LRP1B: variants seen among roughly 807,000 people sequenced by gnomAD.
The protein encoded by LRP1B is low-density lipoprotein receptor-related protein 1B.
LRP1B carries 217 observed loss-of-function variants against 556.6 expected under a neutral mutation model. That is an observed-to-expected ratio of 0.39 (90% CI 0.35 to 0.44). LRP1B has a LOEUF of 0.44. Among genes scored for constraint, LRP1B ranks in the 20% least tolerant of loss-of-function variants. The pLI, the probability that LRP1B is intolerant of heterozygous loss-of-function variation, is 1.00. For synonymous variants in LRP1B, 2,047 were observed against 1,865.8 expected (o/e 1.10, Z -2.50); for missense variants, 5,053 against 5,620.8 (o/e 0.90, Z 3.23).
chr2:140,920,633 T>C (rs538497305), intron 21 of LRP1B, among the ~76,000 whole-genome samples: 5 of 152,176 alleles, frequency 3.3e-5, no homozygotes, highest in South Asian at 2.1e-4. Context: ...GCAATGTTCA[T>C]TGAAGTCTGT....
At chr2:140,750,616 G>T (rs949743621) in intron 35 of LRP1B, among the ~76,000 whole-genome samples, 1 of 152,058 alleles carries the variant, frequency 6.6e-6, no homozygotes, top group Non-Finnish European at 1.5e-5. Context: ...AGAGTTATTT[G>T]CATTTTACCA....
At chr2:140,565,716 C>T (rs1681099716) in intron 43 of LRP1B, among the ~76,000 whole-genome samples, 1 of 152,058 alleles carries the variant, frequency 6.6e-6, no homozygotes, top group Non-Finnish European at 1.5e-5. Flanking sequence ...CAGAGTACAT[C>T]GAAGGAGTAA....
Position 141,005,495 on chromosome 2 carries a change from G to A in LRP1B, c.2381-38C>T, listed in dbSNP as rs772869721. The A allele has an allele frequency of 5.0e-6, 8 of 1,602,968 alleles. No homozygotes were observed. In the South Asian group the frequency reaches 8.9e-5, roughly 18 times the overall value. Reference sequence around the variant, plus strand: ...GAAAGCAAATGTGTCAGAGAACTCTGATTCACGTTCTTTCTAGGAGGTGAA... The same window carrying A: ...GAAAGCAAATGTGTCAGAGAACTCTAATTCACGTTCTTTCTAGGAGGTGAA... On this transcript the variant is annotated intron_variant, in intron 14 of 90. Coordinates refer to ENST00000389484, the MANE Select transcript of LRP1B (RefSeq NM_018557.3).
chr2:141,758,487 C>G (rs1286031149), intron 2 of LRP1B, among the ~76,000 whole-genome samples: 1 of 151,910 alleles, frequency 6.6e-6, no homozygotes, highest in Non-Finnish European at 1.5e-5. Context: ...TACTGAATAG[C>G]TAACATGCTC....
At chr2:140,898,492 C>A (rs537341978) in intron 23 of LRP1B, 35 of 236,920 alleles carry the variant, frequency 1.5e-4, no homozygotes, top group African/African-American at 7.6e-4. Flanking sequence ...GTTTAAGGAC[C>A]GTGGGCTGAC....
At chr2:140,964,117 TC>T in intron 18 of LRP1B, among the ~76,000 whole-genome samples, 1 of 152,082 alleles carries the variant, frequency 6.6e-6, no homozygotes, top group Non-Finnish European at 1.5e-5. Context: ...AGGGGGCCCT[TC>T]CCTGCCTGGC....
chr2:140,417,022 C>T lies in LRP1B; in HGVS notation c.10414+25482G>A, dbSNP rs180744419. Among the ~76,000 whole-genome samples the T allele has an allele frequency of 7.0e-4, 106 of 152,296 alleles. 1 individual carries two copies. The highest frequency in any genetic ancestry group is 2.5e-3 in the African/African-American group (102 of 41,570). ...AAAACTGCATTTAAAAGAAAATACT[C>T]GCTTTGTATAACATGTGGCAACCAG... On this transcript the variant is annotated intron_variant, in intron 66 of 90. Transcript: ENST00000389484.
intron 1 of LRP1B, among the ~76,000 whole-genome samples, chr2:141,991,199 G>A (rs148318234): frequency 2.9e-4 from 44 of 152,120 alleles, no homozygotes; most frequent in African/African-American, 1.1e-3. Flanking sequence ...TTATGTAAAT[G>A]TATTTGTAAC....
chr2:141,299,335 T>G (rs1018910179), intron 3 of LRP1B, among the ~76,000 whole-genome samples: 1 of 152,226 alleles, frequency 6.6e-6, no homozygotes, highest in Non-Finnish European at 1.5e-5. Flanking sequence ...GGACCTCATT[T>G]CTTTTGAAGA....
At chr2:141,987,549 G>GTTTTTTTTTTTTTTTTTT (rs5834887) in intron 1 of LRP1B, among the ~76,000 whole-genome samples, 7 of 139,956 alleles carry the variant, frequency 5.0e-5, no homozygotes, top group Non-Finnish European at 9.2e-5. Flanking sequence ...GATTTAAGCT[G>GTTTTTTTTTTTTTTTTTT]TTTTTTTTTT....
chr2:140,822,437 G>A (rs1383886502), intron 31 of LRP1B, among the ~76,000 whole-genome samples: 1 of 152,296 alleles, frequency 6.6e-6, no homozygotes, highest in East Asian at 1.9e-4. Context: ...TCTATTTTAA[G>A]TATGTCACAT....
intron 11 of LRP1B, among the ~76,000 whole-genome samples, chr2:141,045,532 T>C (rs2105439780): frequency 6.6e-6 from 1 of 152,254 alleles, no homozygotes; most frequent in Admixed American, 6.5e-5. Flanking sequence ...ATTTAAATTC[T>C]CTAACCATTT....
At chr2:141,419,927 CTAACA>C (rs1188178570) in intron 3 of LRP1B, among the ~76,000 whole-genome samples, 2 of 136,690 alleles carry the variant, frequency 1.5e-5, no homozygotes, top group African/African-American at 5.3e-5. Flanking sequence ...ATTTTGTGAC[CTAACA>C]TATGACCTAT....
At chr2:141,368,975 A>G (rs1219882312) in intron 3 of LRP1B, among the ~76,000 whole-genome samples, 1 of 152,166 alleles carries the variant, frequency 6.6e-6, no homozygotes, top group Non-Finnish European at 1.5e-5. Flanking sequence ...TTCAAGTAAT[A>G]TAGGGAAACA....
At chr2:141,006,660 C>T (rs1027921926) in intron 14 of LRP1B, among the ~76,000 whole-genome samples, 1 of 151,920 alleles carries the variant, frequency 6.6e-6, no homozygotes, top group African/African-American at 2.4e-5. Flanking sequence ...AAAATATTTT[C>T]TGTAAAAATA....
intron 66 of LRP1B, among the ~76,000 whole-genome samples, chr2:140,425,881 G>T (rs1394225582): frequency 6.6e-5 from 10 of 152,204 alleles, no homozygotes; most frequent in Admixed American, 6.5e-4. Flanking sequence ...CTAATACATA[G>T]CACTTAATAA....
intron 1 of LRP1B, among the ~76,000 whole-genome samples, chr2:141,945,332 G>C (rs1700921894): frequency 6.6e-6 from 1 of 152,082 alleles, no homozygotes; most frequent in Non-Finnish European, 1.5e-5. Flanking sequence ...GGGCTCAGAA[G>C]ATGTAATTCT....
At chr2:141,353,709 A>G (rs1467747495) in intron 3 of LRP1B, among the ~76,000 whole-genome samples, 1 of 151,958 alleles carries the variant, frequency 6.6e-6, no homozygotes, top group Non-Finnish European at 1.5e-5. Context: ...TCCTAGATAT[A>G]ACAATTATTA....
At chr2:141,962,607 A>G (rs1315154079) in intron 1 of LRP1B, among the ~76,000 whole-genome samples, 1 of 151,802 alleles carries the variant, frequency 6.6e-6, no homozygotes, top group East Asian at 1.9e-4. Context: ...GAGAAATAGG[A>G]TTCAAAAGTA....
Sources: gnomAD v4.1 joint callset for allele counts (sites outside exome capture counted in the v4.1 genomes callset) on GRCh38, gnomAD v4.1.1 for gene constraint, MANE v1.5 for transcripts, NCBI Gene and HGNC (gene_info 2026-07-23, HGNC 2026-07-21) for gene names.